The following KANK2 variants were observed in gnomAD, a reference collection of about 807,000 sequenced individuals.
KANK2 encodes the protein KN motif and ankyrin repeat domains 2, also known as KN motif and ankyrin repeat domain-containing protein 2.
A neutral mutation model predicts 74.6 loss-of-function variants in KANK2; 41 were observed. That is an observed-to-expected ratio of 0.55 (90% CI 0.43 to 0.71). The LOEUF (loss-of-function observed/expected upper bound fraction) is 0.71, where lower values mean the gene tolerates loss of function less well. Among genes scored for constraint, KANK2 ranks in the 30% least tolerant of loss-of-function variants. The pLI is 0.00. For synonymous variants in KANK2, 537 were observed against 519.0 expected (o/e 1.03, Z -0.47); for missense variants, 1,148 against 1,196.4 (o/e 0.96, Z 0.60).
chr19:11,168,005 G>GTTTTTTTTTTTTTTTTTTTTT (rs528176321), intron 12 of KANK2, among the ~76,000 whole-genome samples: 5 of 115,034 alleles, frequency 4.3e-5, no homozygotes, highest in African/African-American at 6.2e-5. Context: ...CCACGTCCTT[G>GTTTTTTTTTTTTTTTTTTTTT]TTTTTTTTTT....
chr19:11,182,088 A>G (rs984532989), intron 4 of KANK2, among the ~76,000 whole-genome samples: 1 of 151,352 alleles, frequency 6.6e-6, no homozygotes, highest in African/African-American at 2.4e-5. Context: ...TGGCTAATTT[A>G]TATTTTTAGT....
intron 4 of KANK2, chr19:11,192,452 TGAGACAGAG>T: frequency 6.0e-6 from 1 of 166,498 alleles, no homozygotes; most frequent in South Asian, 1.4e-4. Flanking sequence ...TTTTTTTTTT[TGAGACAGAG>T]TCTCCCTCTG....
chr19:11,176,820 G>C lies in KANK2; in HGVS notation c.1521-3C>G. ...AGTCCTCGGATGACGACTCATACCTGGGGAGGAACGAGCGGGGAGGGGGAG... is the reference window on the plus strand; with the variant it reads ...AGTCCTCGGATGACGACTCATACCTCGGGAGGAACGAGCGGGGAGGGGGAG... On this transcript the variant is annotated splice_region_variant and splice_polypyrimidine_tract_variant and intron_variant, in intron 6 of 12. Coordinates refer to ENST00000586659, the MANE Select transcript of KANK2 (RefSeq NM_001136191.3). 6.6e-7 allele frequency: 1 copy of C among 1,505,412 alleles called. No homozygotes were observed. Among genetic ancestry groups the C allele is most frequent in the East Asian group, 2.4e-5 (1 of 41,994 alleles). The allele number at this position is 1,505,412 out of a possible 1,614,324, so 93.3% of individuals were successfully genotyped here. A position where few individuals can be genotyped will look rare whatever the true frequency, so the allele number is the denominator to read the frequency against.
At chr19:11,186,907 G>A (rs2078692485) in intron 4 of KANK2, among the ~76,000 whole-genome samples, 1 of 152,168 alleles carries the variant, frequency 6.6e-6, no homozygotes, top group African/African-American at 2.4e-5. Flanking sequence ...GATGACTCCA[G>A]CATTGTTCGT....
intron 4 of KANK2, chr19:11,192,579 G>A (rs1000882124): frequency 7.9e-5 from 34 of 428,168 alleles, no homozygotes; most frequent in African/African-American, 6.4e-4. Context: ...AGGTTTACAG[G>A]CGCACGCCAC....
rs769170851 is a variant in KANK2 at position 11,193,387 on chromosome 19, C to G, written c.693G>C (p.Lys231Asn). The G allele has an allele frequency of 6.2e-7, 1 of 1,612,928 alleles. No individual in the cohort carries two copies. The highest frequency in any genetic ancestry group is 8.5e-7 in the Non-Finnish European group (1 of 1,179,994). Residue 231 changes from lysine to asparagine, a missense_variant, in exon 4 of 13, where the codon AAG becomes AAC. By Grantham distance (94) the Lys-to-Asn change is moderately conservative. Coordinates refer to ENST00000586659, the MANE Select transcript of KANK2 (RefSeq NM_001136191.3). This position sits in a 1 kb window ranked among gnomAD's most constrained non-coding sequence, Gnocchi z 9.6. ...EEKRQLTVQL[K>N]SQKFLGHPTA... ...TGGGGTGGCCCAGGAACTTCTGGCT[C>G]TTAAGTTGTACTGTGAGCTGCCGCT...
chr19:11,183,002 G>A (rs918410565), intron 4 of KANK2, among the ~76,000 whole-genome samples: 4 of 152,096 alleles, frequency 2.6e-5, no homozygotes, highest in Admixed American at 2.0e-4. Flanking sequence ...AGCATAACAA[G>A]AAGTAATAAT....
chr19:11,170,071 A>T lies in KANK2; in HGVS notation c.2389T>A (p.Cys797Ser). 2 of 1,613,738 alleles carry T rather than the reference A, an allele frequency of 1.2e-6. No homozygotes were observed. Among genetic ancestry groups the T allele is most frequent in the Non-Finnish European group, 1.7e-6 (2 of 1,179,774 alleles). Residue 797 changes from cysteine to serine, a missense_variant, in exon 11 of 13, where the codon TGT (cysteine) becomes AGT (serine). Cys to Ser is a moderately radical substitution (Grantham distance 112). Transcript: ENST00000586659. The surrounding 1 kb of genome is among the most constrained non-coding windows in gnomAD (Gnocchi z 5.2). The stretch of plus-strand genomic sequence containing the variant: ...ACGCGATCTGTGAGTGAGATGTCAC[A>T]GCTGGGCACGGCCAGCAGCAGCCCC... ...IAGLLLAVPS[C>S]DISLTDRDGS...
Position 11,175,989 on chromosome 19 carries a change from C to T in KANK2, c.1761G>A (p.Arg587=), listed in dbSNP as rs2078325448. 1 of 1,612,772 alleles carries T rather than the reference C, an allele frequency of 6.2e-7. No homozygotes were observed. Among genetic ancestry groups the T allele is most frequent in the Non-Finnish European group, 8.5e-7 (1 of 1,179,178 alleles). Residue 587 remains arginine (R), a splice_region_variant and synonymous_variant, in exon 8 of 13, where the codon AGG becomes AGA. Coordinates refer to ENST00000586659, the MANE Select transcript of KANK2 (RefSeq NM_001136191.3). Reference sequence around the variant, plus strand: ...AGATGAGGTCAGGGCTTAGCTCCATCCTGCCAGGAACAGACAAAGCGGGGA... The same window carrying T: ...AGATGAGGTCAGGGCTTAGCTCCATTCTGCCAGGAACAGACAAAGCGGGGA... ...ASGSNTEEEI[R]MELSPDLISA...
At chr19:11,181,502 C>A (rs2078517851) in intron 4 of KANK2, among the ~76,000 whole-genome samples, 1 of 152,142 alleles carries the variant, frequency 6.6e-6, no homozygotes, top group Admixed American at 6.6e-5. Context: ...CTGCCTCCGC[C>A]TCCGAAAGTG....
At chr19:11,176,444 G>C in intron 7 of KANK2, 134 bp downstream of exon 7, 1 of 1,019,460 alleles carries the variant, frequency 9.8e-7, no homozygotes, top group East Asian at 2.7e-5. Context: ...AGGAGCAAGT[G>C]CTCGTTTGCT....
chr19:11,192,640 G>A, intron 4 of KANK2, 191 bp downstream of exon 4: 1 of 642,706 alleles, frequency 1.6e-6, no homozygotes, highest in Non-Finnish European at 2.8e-6. Flanking sequence ...TCACCATGTT[G>A]GCCAGGCTGG....
chr19:11,167,473 C>G (rs1196529177), intron 12 of KANK2, among the ~76,000 whole-genome samples: 1 of 152,096 alleles, frequency 6.6e-6, no homozygotes, highest in African/African-American at 2.4e-5. Context: ...AAGCAATCCT[C>G]CTGCCTTAGC....
At position 11,178,562 on chromosome 19, in the gene KANK2, C is replaced by T. The variant is rs1220151874; in HGVS notation, c.1408G>A (p.Gly470Arg). 1.0e-5 allele frequency: 16 copies of T among 1,603,402 alleles called. No homozygotes were observed. Among genetic ancestry groups the T allele is most frequent in the African/African-American group, 4.0e-5 (3 of 74,116 alleles). ...GCCACCCACCACTTACCGGTGCCCC[C>T]GGCCTCCTCGGACTCTTGGGAGGCT... ...QAASQESEEA[G>R]GTGGPPAGVR... Residue 470 changes from glycine to arginine, a missense_variant, in exon 5 of 13, where the codon GGG becomes AGG. By Grantham distance (125) the Gly-to-Arg change is moderately radical. Coordinates refer to ENST00000586659, the MANE Select transcript of KANK2 (RefSeq NM_001136191.3).
rs766675966 is a variant in KANK2 at position 11,178,742 on chromosome 19, G to A, written c.1250-22C>T. 1.6e-5 allele frequency: 24 copies of A among 1,501,948 alleles called. No homozygotes were observed. The South Asian group carries it at 2.6e-4, about 16-fold the overall frequency. The allele number at this position is 1,501,948 out of a possible 1,614,324, so 93.0% of individuals were successfully genotyped here. ...AGGCCTGGAGGGACAGGAAATGAGT[G>A]TCTGCTCTTGGTCATAAAAGCCAAA... On this transcript the variant is annotated intron_variant, in intron 4 of 12. Coordinates refer to ENST00000586659, the MANE Select transcript of KANK2 (RefSeq NM_001136191.3).
chr19:11,178,233 G>A (rs182102583), intron 6 of KANK2, 112 bp downstream of exon 6: 25 of 974,586 alleles, frequency 2.6e-5, no homozygotes, highest in South Asian at 4.3e-5. Flanking sequence ...TTGATTAAAC[G>A]AATTAACCAA....
chr19:11,169,815 C>G, intron 12 of KANK2, 62 bp downstream of exon 12: 1 of 1,399,868 alleles, frequency 7.1e-7, no homozygotes, highest in Non-Finnish European at 1.0e-6. Flanking sequence ...ACAAAAACAA[C>G]AAATCTCTGT....
intron 4 of KANK2, among the ~76,000 whole-genome samples, chr19:11,188,810 C>T (rs540417907): frequency 3.5e-4 from 53 of 151,876 alleles, no homozygotes; most frequent in Non-Finnish European, 2.9e-4. Context: ...AGTGAAACCC[C>T]GTCTCTACTA....
At chr19:11,185,644 G>GA (rs2078653756) in intron 4 of KANK2, among the ~76,000 whole-genome samples, 1 of 150,452 alleles carries the variant, frequency 6.6e-6, no homozygotes, top group African/African-American at 2.4e-5. Context: ...ACTGCTCAGA[G>GA]AAAAAATGGA....
Sources: gnomAD v4.1 joint callset for allele counts (sites outside exome capture counted in the v4.1 genomes callset) on GRCh38, gnomAD v4.1.1 for gene constraint, Gnocchi (gnomAD v3.1) non-coding constraint, MANE v1.5 for transcripts, NCBI Gene and HGNC (gene_info 2026-07-23, HGNC 2026-07-21) for gene names.